The following VPS45 variants were observed in gnomAD, a reference collection of about 807,000 sequenced individuals.
VPS45 encodes the protein vacuolar protein sorting 45 homolog, also known as vacuolar protein sorting-associated protein 45.
VPS45 carries 35 observed loss-of-function variants against 75.9 expected under a neutral mutation model. That is an observed-to-expected ratio of 0.46 (90% CI 0.35 to 0.61). The LOEUF (loss-of-function observed/expected upper bound fraction) is 0.61, where lower values mean the gene tolerates loss of function less well. Ranked by LOEUF, VPS45 falls within the 20% of genes least tolerant of loss-of-function variation. The pLI is 0.00. For missense variants in VPS45, 559 were observed against 685.9 expected, an observed-to-expected ratio of 0.81 and a Z score of 2.07; for synonymous variants, 220 against 238.2, an observed-to-expected ratio of 0.92 and a Z score of 0.70.
At chr1:150,119,097 T>C (rs185858967) in intron 14 of VPS45, among the ~76,000 whole-genome samples, 2 of 152,228 alleles carry the variant, frequency 1.3e-5, no homozygotes. Flanking sequence ...ATGGAATTTA[T>C]ATTTCAGAGG....
chr1:150,118,558 A>G (rs1380182512), intron 14 of VPS45, among the ~76,000 whole-genome samples: 2 of 151,874 alleles, frequency 1.3e-5, no homozygotes, highest in Non-Finnish European at 2.9e-5. Context: ...GGCGTGCACC[A>G]CCACACCTGG....
intron 13 of VPS45, among the ~76,000 whole-genome samples, chr1:150,101,059 C>T (rs1484607145): frequency 6.6e-6 from 1 of 152,102 alleles, no homozygotes. Flanking sequence ...CACCTAAGGT[C>T]AGGAATTCGA....
chr1:150,098,452 C>A (rs1553803505), intron 13 of VPS45, among the ~76,000 whole-genome samples: 1 of 152,156 alleles, frequency 6.6e-6, no homozygotes. Flanking sequence ...TGATGCTATA[C>A]AAAATTTAGA....
chr1:150,106,712 A>T (rs1571873232), intron 13 of VPS45, among the ~76,000 whole-genome samples: 1 of 151,988 alleles, frequency 6.6e-6, no homozygotes, highest in Non-Finnish European at 1.5e-5. Context: ...CTATAATCAT[A>T]CTCAATTTTC....
chr1:150,107,771 C>T (rs903089468), intron 13 of VPS45, among the ~76,000 whole-genome samples: 5 of 152,146 alleles, frequency 3.3e-5, no homozygotes, highest in African/African-American at 1.2e-4. Flanking sequence ...CATGGTGGCG[C>T]ACGCCTGTAT....
At chr1:150,137,476 G>C (rs1659173476) in intron 14 of VPS45, among the ~76,000 whole-genome samples, 1 of 152,166 alleles carries the variant, frequency 6.6e-6, no homozygotes, top group African/African-American at 2.4e-5. Context: ...CTGTCATAGG[G>C]GATGAATGCT....
intron 13 of VPS45, among the ~76,000 whole-genome samples, chr1:150,107,485 C>T (rs1657395091): frequency 6.6e-6 from 1 of 152,130 alleles, no homozygotes; most frequent in Non-Finnish European, 1.5e-5. Context: ...TCTGGGATGT[C>T]TTTAGTTCTA....
intron 3 of VPS45, among the ~76,000 whole-genome samples, chr1:150,073,281 T>G (rs1385633739): frequency 2.6e-5 from 4 of 152,236 alleles, no homozygotes; most frequent in African/African-American, 9.6e-5. Flanking sequence ...TAAAGCTTAC[T>G]TAAAGGTATT....
At chr1:150,099,528 C>T (rs1321149231) in intron 13 of VPS45, among the ~76,000 whole-genome samples, 3 of 149,294 alleles carry the variant, frequency 2.0e-5, no homozygotes, top group Admixed American at 6.7e-5. Context: ...AAACACCTCT[C>T]AACAAACTTG....
chr1:150,078,396 C>G (rs1655514289), intron 7 of VPS45, among the ~76,000 whole-genome samples: 1 of 152,176 alleles, frequency 6.6e-6, no homozygotes, highest in African/African-American at 2.4e-5. Context: ...ACTGTGACTG[C>G]TTTCTAAACT....
chr1:150,105,704 C>T (rs1657283205), intron 13 of VPS45, among the ~76,000 whole-genome samples: 1 of 152,122 alleles, frequency 6.6e-6, no homozygotes, highest in African/African-American at 2.4e-5. Context: ...TCTACAGATT[C>T]AACACAATTC....
chr1:150,071,891 T>C lies in VPS45; in HGVS notation c.229-275T>C, dbSNP rs587770230. Reference sequence around the variant, plus strand: ...ATCAATTTTATGTTGTGTTTCAACATCTGTGTCCTTTATATTCTTTATCTT... The same window carrying C: ...ATCAATTTTATGTTGTGTTTCAACACCTGTGTCCTTTATATTCTTTATCTT... On this transcript the variant is annotated intron_variant, in intron 2 of 14. Coordinates refer to ENST00000644510, the MANE Select transcript of VPS45 (RefSeq NM_007259.5). Among the ~76,000 whole-genome samples the C allele has an allele frequency of 3.3e-5, 5 of 152,124 alleles. No individual in the cohort carries two copies. The South Asian group carries it at 1.0e-3, about 32-fold the overall frequency.
intron 14 of VPS45, among the ~76,000 whole-genome samples, chr1:150,143,418 G>A (rs1300010488): frequency 6.6e-6 from 1 of 151,958 alleles, no homozygotes; most frequent in Non-Finnish European, 1.5e-5. Flanking sequence ...GGTGAAACCC[G>A]TCTCTACTAA....
At chr1:150,142,036 C>T (rs782585422) in intron 14 of VPS45, among the ~76,000 whole-genome samples, 12 of 152,146 alleles carry the variant, frequency 7.9e-5, no homozygotes, top group East Asian at 7.7e-4. Flanking sequence ...TATGTTCATT[C>T]GCCATAATTT....
chr1:150,067,999 C>T (rs587768413), intron 1 of VPS45, 49 bp downstream of exon 1: 1 of 1,542,810 alleles, frequency 6.5e-7, no homozygotes, highest in Non-Finnish European at 9.0e-7. Flanking sequence ...CTCAACCTTA[C>T]AATTGCTCGT....
intron 10 of VPS45, among the ~76,000 whole-genome samples, chr1:150,086,489 TTG>T (rs1553800699): frequency 6.6e-6 from 1 of 151,548 alleles, no homozygotes; most frequent in African/African-American, 2.4e-5. Context: ...TTTGGTTTTT[TTG>T]TGTGTGTGTT....
chr1:150,087,723 A>G lies in VPS45; in HGVS notation c.1105-4214A>G, dbSNP rs587678590. Among the ~76,000 whole-genome samples the G allele has an allele frequency of 2.6e-5, 4 of 152,314 alleles. No homozygotes were observed. In the East Asian group the frequency reaches 7.7e-4, roughly 29 times the overall value. On this transcript the variant is annotated intron_variant, in intron 10 of 14. Coordinates refer to ENST00000644510, the MANE Select transcript of VPS45 (RefSeq NM_007259.5). ...AAAGAAAAGAAAGAACTCAGCTTGT[A>G]CCTACAGGTTTCTTTTCATGAGAGA... is the stretch of plus-strand genomic sequence containing the variant.
At chr1:150,092,923 G>A (rs1656418143) in intron 12 of VPS45, among the ~76,000 whole-genome samples, 1 of 127,712 alleles carries the variant, frequency 7.8e-6, no homozygotes, top group Admixed American at 9.9e-5. Flanking sequence ...CTCACTGCAA[G>A]CTCTGCCTCC....
chr1:150,126,801 A>G (rs1553810884), intron 14 of VPS45, among the ~76,000 whole-genome samples: 1 of 152,166 alleles, frequency 6.6e-6, no homozygotes, highest in African/African-American at 2.4e-5. Flanking sequence ...CTCCATCTCC[A>G]CAAAAAACGT....
Sources: gnomAD v4.1 joint callset for allele counts (sites outside exome capture counted in the v4.1 genomes callset) on GRCh38, gnomAD v4.1.1 for gene constraint, MANE v1.5 for transcripts, NCBI Gene and HGNC (gene_info 2026-07-23, HGNC 2026-07-21) for gene names.